Variants in GPHN observed in about 807,000 individuals in gnomAD.
GPHN encodes gephyrin.
In GPHN, 17 loss-of-function variants were observed where a neutral mutation model predicts 95.5. The ratio of observed to expected loss-of-function variants is 0.18; its 90% CI spans 0.12 to 0.27. GPHN has a LOEUF of 0.27. GPHN is among the 10% of genes least tolerant of loss of function. The pLI, the probability that GPHN is intolerant of heterozygous loss-of-function variation, is 1.00. For synonymous variants in GPHN, 320 were observed against 322.5 expected (o/e 0.99, Z 0.08); for missense variants, 660 against 978.1 (o/e 0.67, Z 4.34).
chr14:66,608,611 G>T (rs1265730265), intron 1 of GPHN, among the ~76,000 whole-genome samples: 1 of 152,030 alleles, frequency 6.6e-6, no homozygotes, highest in African/African-American at 2.4e-5. Flanking sequence ...ATTATTATGT[G>T]GCTATTGAGG....
intron 5 of GPHN, among the ~76,000 whole-genome samples, chr14:66,890,048 T>C (rs1036043953): frequency 1.8e-4 from 28 of 152,102 alleles, no homozygotes; most frequent in Non-Finnish European, 4.4e-5. Flanking sequence ...CAAAACCTAC[T>C]GAGACTGAAT....
chr14:67,246,330 T>C, the GPHN span, among the ~76,000 whole-genome samples: 3 of 152,018 alleles, frequency 2.0e-5, 1 homozygote, highest in East Asian at 5.8e-4. Flanking sequence ...GTCTTGGCTA[T>C]GTTGCCCAGA....
At chr14:67,483,504 C>G in the GPHN span, among the ~76,000 whole-genome samples, 1 of 152,180 alleles carries the variant, frequency 6.6e-6, no homozygotes, top group Non-Finnish European at 1.5e-5. Context: ...CAACAGGAAG[C>G]AAGGAGAAGG....
At chr14:67,246,249 C>T in the GPHN span, among the ~76,000 whole-genome samples, 2 of 151,770 alleles carry the variant, frequency 1.3e-5, no homozygotes, top group African/African-American at 4.8e-5. Context: ...TCAAGCAATC[C>T]TCCCAAGTAG....
chr14:66,877,401 AG>A (rs2063720373), intron 4 of GPHN, among the ~76,000 whole-genome samples: 1 of 152,210 alleles, frequency 6.6e-6, no homozygotes, highest in South Asian at 2.1e-4. Context: ...ATCAGGCAAG[AG>A]AAAGAAATAA....
At chr14:67,276,841 T>G in the GPHN span, among the ~76,000 whole-genome samples, 1 of 152,196 alleles carries the variant, frequency 6.6e-6, no homozygotes, top group African/African-American at 2.4e-5. Context: ...CCGGTCTCTC[T>G]TGCATGACTT....
intron 2 of GPHN, chr14:66,760,891 A>G: frequency 1.1e-6 from 1 of 947,308 alleles, no homozygotes; most frequent in Non-Finnish European, 1.6e-6. Flanking sequence ...CAGAAAGTTC[A>G]GGATATCAAA....
chr14:67,586,132 G>C, the GPHN span: 13 of 1,609,750 alleles, frequency 8.1e-6, no homozygotes, highest in Non-Finnish European at 1.1e-5. Flanking sequence ...TTCTACTCTG[G>C]CAAGATGTGG....
the GPHN span, among the ~76,000 whole-genome samples, chr14:67,607,215 GAT>G: frequency 6.6e-6 from 1 of 152,130 alleles, no homozygotes; most frequent in Non-Finnish European, 1.5e-5. Context: ...TCTTAATTAA[GAT>G]ATAACTCTTA....
the GPHN span, among the ~76,000 whole-genome samples, chr14:67,239,061 C>G: frequency 6.6e-6 from 1 of 152,194 alleles, no homozygotes; most frequent in Non-Finnish European, 1.5e-5. Flanking sequence ...CTATCTCACA[C>G]TCATACTAAT....
At chr14:67,711,730 C>T in the GPHN span, among the ~76,000 whole-genome samples, 13 of 152,222 alleles carry the variant, frequency 8.5e-5, no homozygotes, top group African/African-American at 3.1e-4. Flanking sequence ...AGCTAAATAG[C>T]CTTAAATTTT....
the GPHN span, among the ~76,000 whole-genome samples, chr14:67,507,306 G>C: frequency 6.6e-6 from 1 of 152,082 alleles, no homozygotes; most frequent in African/African-American, 2.4e-5. Flanking sequence ...CTATGATTAT[G>C]CCACTGCACT....
chr14:66,539,684 G>T (rs1363688675), intron 1 of GPHN, among the ~76,000 whole-genome samples: 1 of 152,098 alleles, frequency 6.6e-6, no homozygotes, highest in Admixed American at 6.5e-5. Flanking sequence ...GCCTCCCAAA[G>T]TGCTGGGATT....
intron 1 of GPHN, among the ~76,000 whole-genome samples, chr14:66,631,994 C>G (rs1214988043): frequency 1.3e-5 from 2 of 152,138 alleles, no homozygotes; most frequent in Non-Finnish European, 2.9e-5. Flanking sequence ...TCCAACTACC[C>G]TACCTAATTT....
chr14:66,718,773 C>G (rs1264570383), intron 2 of GPHN, among the ~76,000 whole-genome samples: 1 of 152,120 alleles, frequency 6.6e-6, no homozygotes, highest in Admixed American at 6.5e-5. Context: ...TCTCCAAGTC[C>G]CCACTCGACC....
the GPHN span, chr14:67,727,031 C>G: frequency 1.9e-6 from 3 of 1,613,742 alleles, no homozygotes; most frequent in Non-Finnish European, 2.5e-6. Flanking sequence ...GGTGTCTGCC[C>G]CTGCACGGGT....
At chr14:66,702,418 G>A (rs1262994165) in intron 2 of GPHN, among the ~76,000 whole-genome samples, 1 of 152,176 alleles carries the variant, frequency 6.6e-6, no homozygotes, top group Non-Finnish European at 1.5e-5. Context: ...TGTCCCTTGA[G>A]ATCAGAGATC....
chr14:67,192,271 T>C, the GPHN span, among the ~76,000 whole-genome samples: 2 of 152,204 alleles, frequency 1.3e-5, no homozygotes, highest in African/African-American at 2.4e-5. Flanking sequence ...TGACAAAAGA[T>C]TCCATGTGTC....
At chr14:67,309,336 G>A in the GPHN span, among the ~76,000 whole-genome samples, 1 of 152,100 alleles carries the variant, frequency 6.6e-6, no homozygotes, top group Non-Finnish European at 1.5e-5. Flanking sequence ...ATCTGTTAAG[G>A]CAATACCCAG....
Sources: allele counts gnomAD v4.1 joint callset (sites outside exome capture counted in the v4.1 genomes callset), GRCh38; gene constraint gnomAD v4.1.1; transcripts MANE v1.5; gene names NCBI Gene and HGNC (gene_info 2026-07-23, HGNC 2026-07-21).